The following USP15 variants were observed in gnomAD, a reference collection of about 807,000 sequenced individuals.
The protein encoded by USP15 is ubiquitin carboxyl-terminal hydrolase 15.
USP15 carries 18 observed loss-of-function variants against 127.1 expected under a neutral mutation model. That is an observed-to-expected ratio of 0.14 (90% CI 0.10 to 0.21). The LOEUF is 0.21. Among genes scored for constraint, USP15 ranks in the 10% least tolerant of loss-of-function variants. The pLI is 1.00. For missense variants in USP15, 805 were observed against 1,159.9 expected (o/e 0.69, Z 4.44); for synonymous variants, 364 against 393.7 (o/e 0.92, Z 0.89).
intron 1 of USP15, among the ~76,000 whole-genome samples, chr12:62,271,956 T>C (rs148840206): frequency 2.2e-4 from 33 of 152,014 alleles, no homozygotes; most frequent in African/African-American, 6.3e-4. Flanking sequence ...AAAGAGATGG[T>C]AAACTATTCC....
intron 11 of USP15, among the ~76,000 whole-genome samples, chr12:62,386,670 C>G (rs535448471): frequency 6.6e-6 from 1 of 152,148 alleles, no homozygotes; most frequent in African/African-American, 2.4e-5. Context: ...ATATGGCAAG[C>G]AGGAGCTAGA....
intron 9 of USP15, among the ~76,000 whole-genome samples, chr12:62,381,884 A>T (rs1282613975): frequency 6.6e-6 from 1 of 151,950 alleles, no homozygotes; most frequent in Non-Finnish European, 1.5e-5. Context: ...TTTTTGTTTT[A>T]CATCTAAATC....
intron 6 of USP15, among the ~76,000 whole-genome samples, chr12:62,331,601 A>G (rs1344120520): frequency 6.6e-6 from 1 of 152,202 alleles, no homozygotes; most frequent in Admixed American, 6.5e-5. Context: ...TATACTGCTG[A>G]AAATAGAGGA....
At chr12:62,264,142 G>A (rs930777847) in intron 1 of USP15, among the ~76,000 whole-genome samples, 3 of 151,994 alleles carry the variant, frequency 2.0e-5, no homozygotes, top group Admixed American at 6.6e-5. Flanking sequence ...ATGCCACCAC[G>A]CCCAGCTAAT....
chr12:62,271,329 A>T (rs1296232576), intron 1 of USP15, among the ~76,000 whole-genome samples: 1 of 152,072 alleles, frequency 6.6e-6, no homozygotes, highest in African/African-American at 2.4e-5. Flanking sequence ...TCATGGAATG[A>T]TAAATGCTAA....
chr12:62,326,166 G>C (rs529329134), intron 6 of USP15, among the ~76,000 whole-genome samples: 5 of 152,176 alleles, frequency 3.3e-5, no homozygotes, highest in African/African-American at 1.2e-4. Context: ...TAAATGTATG[G>C]TATAAATGAG....
chr12:62,272,036 CTTAG>C (rs2063355877), intron 1 of USP15, among the ~76,000 whole-genome samples: 1 of 150,986 alleles, frequency 6.6e-6, no homozygotes, highest in Admixed American at 6.6e-5. Context: ...AATTCTGAGT[CTTAG>C]TTTGTGGTAC....
At position 62,414,172 on chromosome 12, in the gene USP15, A is replaced by T. The variant is rs1204064589; in HGVS notation, c.*9797A>T. The T allele has an allele frequency of 6.6e-6, 1 of 152,240 alleles. No homozygotes were observed. The highest frequency in any genetic ancestry group is 1.5e-5 in the Non-Finnish European group (1 of 68,046). 9.4% of individuals were successfully genotyped at this position (152,240 alleles called of 1,614,324 possible). On this transcript the variant is annotated 3_prime_UTR_variant, in exon 22 of 22. Coordinates refer to ENST00000280377, the MANE Select transcript of USP15 (RefSeq NM_001252078.2). Reference sequence around the variant, plus strand: ...TAATGAAGACATTTGAAATGTGAGAAGTACCAAGATATGACACACACACAG... The same window carrying T: ...TAATGAAGACATTTGAAATGTGAGATGTACCAAGATATGACACACACACAG...
chr12:62,377,522 C>T (rs899066946), intron 8 of USP15, among the ~76,000 whole-genome samples: 25 of 152,152 alleles, frequency 1.6e-4, no homozygotes, highest in African/African-American at 5.1e-4. Flanking sequence ...GAGTTCAAGA[C>T]CAGCCTGGCC....
chr12:62,327,902 C>G, intron 6 of USP15: 1 of 223,402 alleles, frequency 4.5e-6, no homozygotes, highest in Non-Finnish European at 9.1e-6. Context: ...CCTATAAAAT[C>G]TAAGAAATAC....
chr12:62,336,437 T>C (rs1480755627), intron 6 of USP15: 1 of 985,424 alleles, frequency 1.0e-6, no homozygotes, highest in South Asian at 4.7e-5. Flanking sequence ...CTTGTCTAGT[T>C]AGTCAGCAAG....
intron 8 of USP15, among the ~76,000 whole-genome samples, chr12:62,362,894 C>T (rs1460961435): frequency 1.3e-5 from 2 of 152,132 alleles, no homozygotes; most frequent in African/African-American, 2.4e-5. Context: ...CGAAAAGTAA[C>T]ATGAGCTTTG....
At chr12:62,277,986 TTGTTA>T (rs773939349) in intron 1 of USP15, among the ~76,000 whole-genome samples, 12 of 152,352 alleles carry the variant, frequency 7.9e-5, no homozygotes, top group Admixed American at 3.3e-4. Context: ...TTTGACTCGT[TTGTTA>T]TAACACTTGG....
chr12:62,268,078 T>G (rs1160765399), intron 1 of USP15, among the ~76,000 whole-genome samples: 1 of 152,118 alleles, frequency 6.6e-6, no homozygotes, highest in Non-Finnish European at 1.5e-5. Flanking sequence ...TTACAATAAC[T>G]TATTACTCAT....
At chr12:62,319,658 G>T (rs2064929599) in intron 4 of USP15, among the ~76,000 whole-genome samples, 1 of 152,046 alleles carries the variant, frequency 6.6e-6, no homozygotes, top group African/African-American at 2.4e-5. Flanking sequence ...CTACCCCTAT[G>T]CCTGTAATGT....
intron 19 of USP15, 154 bp from the exon 20 acceptor site, chr12:62,396,140 AT>A: frequency 3.1e-6 from 1 of 323,498 alleles, no homozygotes; most frequent in Non-Finnish European, 5.4e-6. Context: ...ACTCATGATA[AT>A]TTCCTTAGTG....
intron 1 of USP15, among the ~76,000 whole-genome samples, chr12:62,266,504 A>G (rs923900344): frequency 6.6e-6 from 1 of 152,158 alleles, no homozygotes; most frequent in African/African-American, 2.4e-5. Context: ...CAATGATAAT[A>G]AAACAGTCAA....
intron 1 of USP15, among the ~76,000 whole-genome samples, chr12:62,281,647 C>T (rs951150390): frequency 2.0e-5 from 3 of 152,046 alleles, no homozygotes; most frequent in Non-Finnish European, 2.9e-5. Flanking sequence ...CCAGATTCTC[C>T]TATTTTTCTA....
chr12:62,381,596 C>A lies in USP15; in HGVS notation c.1022C>A (p.Ser341Tyr). The change falls in exon 9 of 22, where the codon TCT becomes TAT. Residue 341 changes from serine to tyrosine, a missense_variant. Ser to Tyr is a moderately radical substitution (Grantham distance 144, BLOSUM62 -2). Around this residue, in one of 11 missense-constraint regions of USP15, gnomAD observed 84 missense variants for 210.3 expected, o/e 0.40. Coordinates refer to ENST00000280377, the MANE Select transcript of USP15 (RefSeq NM_001252078.2). ...GGAATGAGAGGTGAAATAGCTAAATCTTATGCCGAACTGATCAAGCAAATG... is the reference window on the plus strand; with the variant it reads ...GGAATGAGAGGTGAAATAGCTAAATATTATGCCGAACTGATCAAGCAAATG... ...PLGMRGEIAK[S>Y]YAELIKQMWS... 1 of 1,613,082 alleles carries A rather than the reference C, an allele frequency of 6.2e-7. No homozygotes were observed. The highest frequency in any genetic ancestry group is 8.5e-7 in the Non-Finnish European group (1 of 1,179,316).
Sources: allele counts gnomAD v4.1 joint callset (sites outside exome capture counted in the v4.1 genomes callset), GRCh38; gene constraint gnomAD v4.1.1; regional missense constraint gnomAD v4.1.1; transcripts MANE v1.5; gene names NCBI Gene and HGNC (gene_info 2026-07-23, HGNC 2026-07-21).